HIRA: variants seen among roughly 807,000 people sequenced by gnomAD.
HIRA encodes the protein histone cell cycle regulator, also known as protein HIRA.
A neutral mutation model predicts 126.6 loss-of-function variants in HIRA; 13 were observed. The observed-to-expected ratio is 0.10, with a 90% CI of 0.07 to 0.16. The LOEUF (loss-of-function observed/expected upper bound fraction) is 0.16, where lower values mean the gene tolerates loss of function less well. Among genes scored for constraint, HIRA ranks in the 10% least tolerant of loss-of-function variants. The pLI is 1.00. For synonymous variants in HIRA, 511 were observed against 520.0 expected (o/e 0.98, Z 0.24); for missense variants, 834 against 1,314.4 (o/e 0.63, Z 5.65).
intron 5 of HIRA, among the ~76,000 whole-genome samples, chr22:19,398,463 C>T (rs144476530): frequency 2.6e-5 from 4 of 152,324 alleles, no homozygotes; most frequent in Non-Finnish European, 5.9e-5. Context: ...GCATGAGACA[C>T]AGTGGGTAAA....
At chr22:19,357,391 T>C (rs781822827) in intron 18 of HIRA, among the ~76,000 whole-genome samples, 4 of 152,132 alleles carry the variant, frequency 2.6e-5, no homozygotes, top group Non-Finnish European at 5.9e-5. Context: ...TAAGGCCACA[T>C]AGTACCCACA....
intron 1 of HIRA, among the ~76,000 whole-genome samples, chr22:19,417,360 A>G (rs1381640021): frequency 6.6e-6 from 1 of 152,124 alleles, no homozygotes; most frequent in Non-Finnish European, 1.5e-5. Context: ...GCGGTGGCTC[A>G]TGCCTGTAAT....
At chr22:19,394,634 C>T in intron 7 of HIRA, 125 bp from the exon 8 acceptor site, 2 of 922,426 alleles carry the variant, frequency 2.2e-6, no homozygotes, top group Non-Finnish European at 3.2e-6. Flanking sequence ...CCCCAAGCTT[C>T]TGGCTACACT....
intron 13 of HIRA, among the ~76,000 whole-genome samples, chr22:19,381,551 T>C (rs1263414465): frequency 6.6e-6 from 1 of 151,642 alleles, no homozygotes; most frequent in Non-Finnish European, 1.5e-5. Flanking sequence ...TAATTTTTTT[T>C]CTTTTGATCT....
In HIRA at chr22:19,351,549, C is replaced by A; in HGVS notation, c.2849-103G>T. On this transcript the variant is annotated intron_variant, in intron 23 of 24. Transcript: ENST00000263208. This position sits in a 1 kb window ranked among gnomAD's most constrained non-coding sequence, Gnocchi z 4.8. The stretch of plus-strand genomic sequence containing the variant: ...ATCAAGAATATGTTGTTGTGTCTAT[C>A]AAATCAGAATAAACACATGCGTATT... 1.1e-6 allele frequency: 1 copy of A among 934,744 alleles called. No homozygotes were observed. The allele number at this position is 934,744 out of a possible 1,614,324, so 57.9% of individuals were successfully genotyped here. A position where few individuals can be genotyped will look rare whatever the true frequency, so the allele number is the denominator to read the frequency against.
At chr22:19,389,423 C>T (rs554793336) in intron 9 of HIRA, among the ~76,000 whole-genome samples, 2 of 152,276 alleles carry the variant, frequency 1.3e-5, no homozygotes, top group Admixed American at 6.5e-5. Context: ...AAACACACTT[C>T]CTCACGGGAT....
chr22:19,337,158 G>A (rs1328307970), intron 24 of HIRA, among the ~76,000 whole-genome samples: 5 of 151,628 alleles, frequency 3.3e-5, no homozygotes, highest in African/African-American at 4.8e-5. Context: ...GTGCAGTGGC[G>A]TGATCTCTGA....
rs2088754381 is a variant in HIRA at position 19,351,255 on chromosome 22, G to T, written c.2937+103C>A. 6.8e-7 allele frequency: 1 copy of T among 1,480,588 alleles called. No individual in the cohort carries two copies. The highest frequency in any genetic ancestry group is 8.9e-7 in the Non-Finnish European group (1 of 1,117,694). The allele number at this position is 1,480,588 out of a possible 1,614,324, so 91.7% of individuals were successfully genotyped here. ...GGACCTGAGGCTGGGTGCTGGAGAA[G>T]TCTAACGGGACACAATTTCAAAGCA... On this transcript the variant is annotated intron_variant, in intron 24 of 24. Transcript: ENST00000263208. This position sits in a 1 kb window ranked among gnomAD's most constrained non-coding sequence, Gnocchi z 4.8.
chr22:19,363,244 CAAAA>C (rs1031726527), intron 15 of HIRA, among the ~76,000 whole-genome samples: 1 of 147,004 alleles, frequency 6.8e-6, no homozygotes, highest in Admixed American at 6.7e-5. Context: ...AAAAAAAAAA[CAAAA>C]AAAACAAAAA....
intron 1 of HIRA, among the ~76,000 whole-genome samples, chr22:19,416,524 G>C (rs1251620921): frequency 6.6e-6 from 1 of 152,062 alleles, no homozygotes; most frequent in Non-Finnish European, 1.5e-5. Flanking sequence ...ATTTCTTGTA[G>C]AGATGGGGTT....
chr22:19,427,089 T>C (rs1262163601), intron 1 of HIRA, among the ~76,000 whole-genome samples: 2 of 152,002 alleles, frequency 1.3e-5, no homozygotes, highest in East Asian at 1.9e-4. Context: ...CAGAGCGGGG[T>C]TTCTCACCCT....
chr22:19,369,633 A>G (rs961326615), intron 15 of HIRA, among the ~76,000 whole-genome samples: 4 of 152,072 alleles, frequency 2.6e-5, no homozygotes, highest in African/African-American at 9.7e-5. Flanking sequence ...ACTGTGCCTC[A>G]AAGAAAATCT....
At position 19,354,020 on chromosome 22, in the gene HIRA, G is replaced by A. The variant is rs2088785724; in HGVS notation, c.2660C>T (p.Ala887Val). 1 of 1,613,314 alleles carries A rather than the reference G, an allele frequency of 6.2e-7. No homozygotes were observed. Among genetic ancestry groups the A allele is most frequent in the Non-Finnish European group, 8.5e-7 (1 of 1,179,794 alleles). The change falls in exon 22 of 25, where the codon GCC (alanine) becomes GTC (valine). Residue 887 changes from alanine to valine, a missense_variant. Ala to Val is a moderately conservative substitution (Grantham distance 64). Coordinates refer to ENST00000263208, the MANE Select transcript of HIRA (RefSeq NM_003325.4). ...CTTGGAGGTGCGGCCCTGGATTATG[G>A]CTAACGGTCCTGAGCACAGCATGGC... ...QDAMLCSGPL[A>V]IIQGRTSNSG...
chr22:19,415,057 T>C (rs2089385021), intron 1 of HIRA, among the ~76,000 whole-genome samples: 1 of 152,122 alleles, frequency 6.6e-6, no homozygotes, highest in African/African-American at 2.4e-5. Context: ...GCGATTCTCC[T>C]GCCTCAGCCT....
chr22:19,359,472 G>C lies in HIRA; in HGVS notation c.2098C>G (p.Pro700Ala). The change falls in exon 18 of 25, where the codon CCT becomes GCT. Residue 700 changes from proline (P) to alanine (A), a missense_variant. By Grantham distance (27) the Pro-to-Ala change is conservative (BLOSUM62 -1). This residue lies in a region of HIRA where 468 missense variants were observed against 574.2 expected (regional missense o/e 0.82). Transcript: ENST00000263208. ...TTCTCCACCTCAATGTACATGGAAG[G>C]ATCGGAGCTGACCTGGATGAAGTAA... Reference protein sequence around the residue: ...RAFTLQVSSDPSMYIEVENEV... With the variant: ...RAFTLQVSSDASMYIEVENEV... 7 of 1,605,904 alleles carry C rather than the reference G, an allele frequency of 4.4e-6. No individual in the cohort carries two copies. Among genetic ancestry groups the C allele is most frequent in the Non-Finnish European group, 6.0e-6 (7 of 1,176,390 alleles).
chr22:19,385,091 T>C (rs2089114062), intron 12 of HIRA, among the ~76,000 whole-genome samples: 1 of 152,140 alleles, frequency 6.6e-6, no homozygotes, highest in Non-Finnish European at 1.5e-5. Context: ...CTCCTGGAGA[T>C]GGTTTATACT....
rs529720032 is a variant in HIRA, at chr22:19,368,321, T to C, written c.1776-6390A>G. On this transcript the variant is annotated intron_variant, in intron 15 of 24. Transcript: ENST00000263208. The stretch of plus-strand genomic sequence containing the variant: ...GACGCTGCTCTGTGAAACTGAAGTG[T>C]CTGTTCCCCTTTCTTCTAATGTCCT... Among the ~76,000 whole-genome samples the C allele has an allele frequency of 2.6e-5, 4 of 152,334 alleles. No homozygotes were observed. The East Asian group carries it at 7.7e-4, about 29-fold the overall frequency.
At chr22:19,339,405 C>A (rs1556007021) in intron 24 of HIRA, among the ~76,000 whole-genome samples, 1 of 152,078 alleles carries the variant, frequency 6.6e-6, no homozygotes, top group Non-Finnish European at 1.5e-5. Flanking sequence ...GAGGCCAAGG[C>A]AGGAGGATCA....
Position 19,367,558 on chromosome 22 carries a change from A to G in HIRA, c.1776-5627T>C, listed in dbSNP as rs530563987. 4.6e-5 allele frequency among the ~76,000 whole-genome samples: 7 copies of G among 152,034 alleles called. No homozygotes were observed. In the South Asian group the frequency reaches 1.5e-3, roughly 32 times the overall value. On this transcript the variant is annotated intron_variant, in intron 15 of 24. Coordinates refer to ENST00000263208, the MANE Select transcript of HIRA (RefSeq NM_003325.4). ...ATTTTTGTATTTTTACTAGAGACGAAGTTTTGCCATGTTGGCCAGGGTGGT... is the reference window on the plus strand; with the variant it reads ...ATTTTTGTATTTTTACTAGAGACGAGGTTTTGCCATGTTGGCCAGGGTGGT...
Sources: allele counts gnomAD v4.1 joint callset (sites outside exome capture counted in the v4.1 genomes callset), GRCh38; gene constraint gnomAD v4.1.1; regional missense constraint gnomAD v4.1.1; non-coding constraint Gnocchi (gnomAD v3.1); transcripts MANE v1.5; gene names NCBI Gene and HGNC (gene_info 2026-07-23, HGNC 2026-07-21).